Variants in ATRN observed in about 807,000 individuals in gnomAD.
ATRN encodes attractin-2.
Under a neutral mutation model 178.7 loss-of-function variants are expected in ATRN, and 54 were observed. That is an observed-to-expected ratio of 0.30 (90% CI 0.24 to 0.38). The LOEUF (loss-of-function observed/expected upper bound fraction) is 0.38. Among genes scored for constraint, ATRN ranks in the 10% least tolerant of loss-of-function variants. The pLI, the probability that ATRN is intolerant of heterozygous loss-of-function variation, is 1.00. For synonymous variants in ATRN, 636 were observed against 663.0 expected (o/e 0.96, Z 0.63); for missense variants, 1,443 against 1,815.1 (o/e 0.79, Z 3.73).
rs1454267457 is a variant in ATRN, at chr20:3,545,695, C to T, written c.609-67C>T. On this transcript the variant is annotated intron_variant, in intron 3 of 28. Transcript: ENST00000262919. ...TTAAGGACGGATTTGTTTTTAATTTCTGTCTGCTACAATTTGACATGTCTG... is the reference window on the plus strand; with the variant it reads ...TTAAGGACGGATTTGTTTTTAATTTTTGTCTGCTACAATTTGACATGTCTG... 18 of 1,562,240 alleles carry T rather than the reference C, an allele frequency of 1.2e-5. No individual in the cohort carries two copies. The East Asian group carries it at 3.4e-4, about 29-fold the overall frequency.
At chr20:3,545,037 G>A (rs1332604500) in intron 3 of ATRN, among the ~76,000 whole-genome samples, 1 of 152,014 alleles carries the variant, frequency 6.6e-6, no homozygotes, top group Non-Finnish European at 1.5e-5. Context: ...AGTTATGGGT[G>A]TTTGTTTAGC....
chr20:3,535,750 G>C (rs946651121), intron 2 of ATRN, among the ~76,000 whole-genome samples: 1 of 151,992 alleles, frequency 6.6e-6, no homozygotes, highest in African/African-American at 2.4e-5. Flanking sequence ...TCCTGACTCA[G>C]CTCCTGAGCA....
At position 3,584,769 on chromosome 20, in the gene ATRN, G is replaced by A. The variant is rs747313493; in HGVS notation, c.3073G>A (p.Val1025Met). The A allele has an allele frequency of 3.7e-6, 6 of 1,614,032 alleles. No individual in the cohort carries two copies. In the African/African-American group the frequency reaches 8.0e-5, roughly 22 times the overall value. ...KCIEGSYKGP[V>M]KMPSQAPTGN... ...CATAGAGGGTTCCTATAAAGGACCA[G>A]TGAAGATGCCTTCGCAAGCCCCTAC... is the stretch of plus-strand genomic sequence containing the variant. Residue 1025 changes from valine to methionine, a missense_variant, in exon 18 of 29, where the codon GTG (valine) becomes ATG (methionine). Physicochemically the swap from Val to Met is conservative, Grantham distance 21. Transcript: ENST00000262919.
intron 26 of ATRN, among the ~76,000 whole-genome samples, chr20:3,637,399 A>G (rs1246467364): frequency 6.6e-6 from 1 of 152,188 alleles, no homozygotes; most frequent in Non-Finnish European, 1.5e-5. Context: ...TTAAGCACAG[A>G]CCCCAAGGAG....
intron 1 of ATRN, among the ~76,000 whole-genome samples, chr20:3,511,065 CGAT>C (rs771817799): frequency 2.4e-4 from 36 of 151,940 alleles, no homozygotes; most frequent in Non-Finnish European, 4.1e-4. Flanking sequence ...AGTGGAATGG[CGAT>C]GAAAGTATTA....
In ATRN at chr20:3,578,719, A is replaced by G; in HGVS notation, c.2491A>G (p.Lys831Glu). Residue 831 changes from lysine (K) to glutamate (E), a missense_variant, in exon 15 of 29, where the codon AAG (lysine) becomes GAG (glutamate). Coordinates refer to ENST00000262919, the MANE Select transcript of ATRN (RefSeq NM_139321.3). The part of the protein sequence containing the change: ...ALLASLTTQK[K>E]VEFVLKQLRI... ...TTTGGCTTCTCTTACAACCCAGAAG[A>G]AGGTAGAATTTGTCCTTAAGCAGCT... The G allele has an allele frequency of 6.2e-7, 1 of 1,614,122 alleles. No individual in the cohort carries two copies. Among genetic ancestry groups the G allele is most frequent in the Non-Finnish European group, 8.5e-7 (1 of 1,179,996 alleles).
intron 11 of ATRN, among the ~76,000 whole-genome samples, 173 bp from the exon 12 acceptor site, chr20:3,572,558 T>TGTA (rs2086140806): frequency 6.6e-6 from 1 of 151,994 alleles, no homozygotes; most frequent in South Asian, 2.1e-4. Flanking sequence ...GGTGTGTGCC[T>TGTA]GTAGTCCCAG....
At chr20:3,539,517 G>GT (rs1028437045) in intron 2 of ATRN, among the ~76,000 whole-genome samples, 10 of 152,268 alleles carry the variant, frequency 6.6e-5, no homozygotes, top group South Asian at 2.1e-4. Context: ...GAATTTTAGG[G>GT]TTTTTTTATC....
chr20:3,537,436 G>A (rs2085551537), intron 2 of ATRN, among the ~76,000 whole-genome samples: 1 of 151,392 alleles, frequency 6.6e-6, no homozygotes, highest in African/African-American at 2.4e-5. Flanking sequence ...TTTTCATTGA[G>A]AAAACCACTG....
At chr20:3,594,277 CTTTG>C (rs375487134) in intron 19 of ATRN, among the ~76,000 whole-genome samples, 198 bp from the exon 20 acceptor site, 64 of 152,302 alleles carry the variant, frequency 4.2e-4, no homozygotes, top group Non-Finnish European at 7.9e-4. Context: ...TCCTCCTGTC[CTTTG>C]TTTGGTTCCT....
intron 25 of ATRN, among the ~76,000 whole-genome samples, chr20:3,624,819 TATTA>T (rs2086924075): frequency 6.6e-6 from 1 of 152,216 alleles, no homozygotes; most frequent in African/African-American, 2.4e-5. Context: ...ATGTATCCTG[TATTA>T]ATTTTGCATG....
At chr20:3,556,314 G>A (rs235584) in intron 6 of ATRN, among the ~76,000 whole-genome samples, 121,498 of 152,192 alleles carry the variant, frequency 0.8, 48,817 homozygotes, top group East Asian at 1. Context: ...AAGTTATTGA[G>A]CTTTTTGTGC....
chr20:3,571,997 G>T (rs2086132876), intron 11 of ATRN, among the ~76,000 whole-genome samples: 1 of 151,980 alleles, frequency 6.6e-6, no homozygotes, highest in Non-Finnish European at 1.5e-5. Context: ...AGAATGTAGA[G>T]AAATAGATTC....
intron 1 of ATRN, among the ~76,000 whole-genome samples, chr20:3,492,853 A>AGAGG (rs2084816734): frequency 8.6e-6 from 1 of 116,806 alleles, no homozygotes; most frequent in Non-Finnish European, 1.6e-5. Flanking sequence ...AGAGAGAGAG[A>AGAGG]GGCGCGCGCG....
intron 22 of ATRN, 79 bp downstream of exon 22, chr20:3,598,079 G>T: frequency 2.2e-6 from 2 of 910,632 alleles, no homozygotes; most frequent in South Asian, 1.4e-5. Flanking sequence ...TGGACGTACT[G>T]CCTTAACAGT....
At chr20:3,540,817 T>C (rs1489502556) in intron 3 of ATRN, among the ~76,000 whole-genome samples, 1 of 152,264 alleles carries the variant, frequency 6.6e-6, no homozygotes, top group East Asian at 1.9e-4. Context: ...GGGAAACTTT[T>C]TGGAACAGTA....
chr20:3,514,218 A>C (rs570048356), intron 1 of ATRN, among the ~76,000 whole-genome samples: 1 of 152,204 alleles, frequency 6.6e-6, no homozygotes, highest in Non-Finnish European at 1.5e-5. Context: ...TGACATGGCA[A>C]ATTTCTAGAA....
intron 1 of ATRN, among the ~76,000 whole-genome samples, chr20:3,488,981 G>C (rs992255374): frequency 1.3e-5 from 2 of 152,034 alleles, no homozygotes; most frequent in Non-Finnish European, 2.9e-5. Context: ...TGTTTTTTGA[G>C]ACGGAGTCTC....
At chr20:3,635,083 C>T (rs998569272) in intron 26 of ATRN, among the ~76,000 whole-genome samples, 6 of 151,744 alleles carry the variant, frequency 4.0e-5, no homozygotes, top group Admixed American at 2.6e-4. Flanking sequence ...AATTGGAGAC[C>T]GTTATTCTAA....
Sources: gnomAD v4.1 joint callset for allele counts (sites outside exome capture counted in the v4.1 genomes callset) on GRCh38, gnomAD v4.1.1 for gene constraint, MANE v1.5 for transcripts, NCBI Gene and HGNC (gene_info 2026-07-23, HGNC 2026-07-21) for gene names.